Variants in ANKRD30BL observed in about 807,000 individuals in gnomAD.
ANKRD30BL encodes the protein putative ankyrin repeat domain-containing protein 30B-like.
Under a neutral mutation model 18.4 loss-of-function variants are expected in ANKRD30BL, and 20 were observed. The observed-to-expected ratio is 1.09, with a 90% CI of 0.77 to 1.58. ANKRD30BL has a LOEUF of 1.58. Ranked by LOEUF, ANKRD30BL falls within the 40% of genes most tolerant of loss-of-function variation. ANKRD30BL has a pLI of 0.00. For synonymous variants in ANKRD30BL, 72 were observed against 100.9 expected (o/e 0.71, Z 1.72); for missense variants, 224 against 268.6 (o/e 0.83, Z 1.16).
chr2:132,163,392 C>T (rs6706013), upstream of ANKRD30BL, among the ~76,000 whole-genome samples: 30,894 of 151,606 alleles, frequency 0.2, 3,680 homozygotes, highest in African/African-American at 0.33. Context: ...TTCGTGGGTA[C>T]AGTAAACTGA....
chr2:132,149,779 CCTT>C (rs1209086896), intron 5 of ANKRD30BL, among the ~76,000 whole-genome samples: 1 of 152,180 alleles, frequency 6.6e-6, no homozygotes, highest in Non-Finnish European at 1.5e-5. Context: ...TCTGCCTCCT[CCTT>C]ATCAGCCTAC....
chr2:132,151,850 CAGAAAACTAAT>C (rs1423896677), intron 4 of ANKRD30BL, among the ~76,000 whole-genome samples: 4 of 152,050 alleles, frequency 2.6e-5, no homozygotes, highest in Non-Finnish European at 5.9e-5. Flanking sequence ...ACACCAAGGG[CAGAAAACTAAT>C]AGATGTCAGC....
chr2:132,252,232 G>T (rs574369431), intron 1 of ANKRD30BL, among the ~76,000 whole-genome samples: 1 of 152,340 alleles, frequency 6.6e-6, no homozygotes, highest in East Asian at 1.9e-4. Context: ...CCCCTACAGT[G>T]GCTGCGCCAA....
upstream of ANKRD30BL, among the ~76,000 whole-genome samples, chr2:132,164,274 T>C (rs1395186897): frequency 6.5e-3 from 428 of 65,618 alleles, no homozygotes; most frequent in Middle Eastern, 0.022. Context: ...TTTTTCTTTT[T>C]TTTTTTTTTT....
At chr2:132,185,687 A>G (rs1281024132) in intron 1 of ANKRD30BL, among the ~76,000 whole-genome samples, 1 of 152,206 alleles carries the variant, frequency 6.6e-6, no homozygotes, top group Non-Finnish European at 1.5e-5. Flanking sequence ...TCTCTGTAAC[A>G]TGTAGAACAC....
chr2:132,218,111 G>C (rs200472717), intron 1 of ANKRD30BL, among the ~76,000 whole-genome samples: 1 of 135,450 alleles, frequency 7.4e-6, no homozygotes, highest in African/African-American at 2.7e-5. Flanking sequence ...TTGGAAACGG[G>C]TATATCTTCA....
chr2:132,219,728 C>A (rs974714564), intron 1 of ANKRD30BL, among the ~76,000 whole-genome samples: 15 of 152,030 alleles, frequency 9.9e-5, no homozygotes, highest in Admixed American at 2.6e-4. Flanking sequence ...CAGAGTTGAA[C>A]CTTTTTTTTG....
At chr2:132,195,518 T>C (rs1678944436) in intron 1 of ANKRD30BL, among the ~76,000 whole-genome samples, 2 of 151,042 alleles carry the variant, frequency 1.3e-5, no homozygotes, top group South Asian at 2.1e-4. Context: ...GGGCCAGGCA[T>C]GGTGGCTCAC....
At chr2:132,184,375 G>A (rs1254818969) in intron 1 of ANKRD30BL, among the ~76,000 whole-genome samples, 1 of 152,206 alleles carries the variant, frequency 6.6e-6, no homozygotes, top group Non-Finnish European at 1.5e-5. Flanking sequence ...GAGCAGTGCA[G>A]TTGTAAAAGG....
chr2:132,148,296 A>G (rs1687662820), intron 5 of ANKRD30BL, 68 bp from the exon 6 acceptor site: 2 of 1,377,876 alleles, frequency 1.5e-6, no homozygotes, highest in Non-Finnish European at 2.0e-6. Context: ...TTTACCTGGA[A>G]AACTTCTACT....
At chr2:132,152,374 A>G (rs1218518643) in intron 4 of ANKRD30BL, 1 of 152,214 alleles carries the variant, frequency 6.6e-6, no homozygotes, top group Non-Finnish European at 1.5e-5. Flanking sequence ...ATACGTGAAG[A>G]CTGATCAGTG....
intron 1 of ANKRD30BL, among the ~76,000 whole-genome samples, chr2:132,193,245 C>T (rs890638228): frequency 1.3e-5 from 2 of 152,242 alleles, no homozygotes; most frequent in Non-Finnish European, 2.9e-5. Flanking sequence ...ATGGGCCCCA[C>T]AGCCTGGACT....
At chr2:132,227,553 A>G (rs574992727) in intron 1 of ANKRD30BL, among the ~76,000 whole-genome samples, 1 of 152,214 alleles carries the variant, frequency 6.6e-6, no homozygotes, top group Non-Finnish European at 1.5e-5. Flanking sequence ...ATACCTTCAC[A>G]TAAAATCTAG....
chr2:132,214,007 A>C (rs1301743614), intron 1 of ANKRD30BL, among the ~76,000 whole-genome samples: 1 of 151,986 alleles, frequency 6.6e-6, no homozygotes, highest in Admixed American at 6.6e-5. Flanking sequence ...AACTAGACAG[A>C]AGCATTCTGT....
intron 1 of ANKRD30BL, among the ~76,000 whole-genome samples, chr2:132,236,284 G>T (rs1462972073): frequency 1.3e-5 from 2 of 152,090 alleles, no homozygotes; most frequent in Non-Finnish European, 2.9e-5. Flanking sequence ...CATGGGCAAG[G>T]ACTTCATGTC....
chr2:132,220,557 G>A (rs1679646685), intron 1 of ANKRD30BL, among the ~76,000 whole-genome samples: 1 of 151,970 alleles, frequency 6.6e-6, no homozygotes, highest in Admixed American at 6.6e-5. Flanking sequence ...GTGGAGACGG[G>A]GTTTCGCTGT....
intron 1 of ANKRD30BL, among the ~76,000 whole-genome samples, chr2:132,236,576 T>C (rs1405053512): frequency 1.3e-5 from 2 of 152,140 alleles, no homozygotes; most frequent in African/African-American, 4.8e-5. Flanking sequence ...CACAATGAGA[T>C]ACCATCTCAC....
At chr2:132,214,028 T>TGTGATG (rs1177304152) in intron 1 of ANKRD30BL, among the ~76,000 whole-genome samples, 1 of 152,136 alleles carries the variant, frequency 6.6e-6, no homozygotes, top group Non-Finnish European at 1.5e-5. Context: ...GAAACTACTT[T>TGTGATG]GTGATGTGTG....
At chr2:132,171,368 C>G (rs1207176995) in intron 1 of ANKRD30BL, among the ~76,000 whole-genome samples, 1 of 152,138 alleles carries the variant, frequency 6.6e-6, no homozygotes, top group African/African-American at 2.4e-5. Context: ...ACTTCATTTT[C>G]TTTTGACTTG....
Sources: allele counts gnomAD v4.1 joint callset (sites outside exome capture counted in the v4.1 genomes callset), GRCh38; gene constraint gnomAD v4.1.1; transcripts MANE v1.5; gene names NCBI Gene and HGNC (gene_info 2026-07-23, HGNC 2026-07-21).